The following SPON1 variants were observed in gnomAD, a reference collection of about 807,000 sequenced individuals.
The protein encoded by SPON1 is spondin-1.
A neutral mutation model predicts 111.7 loss-of-function variants in SPON1; 52 were observed. That is an observed-to-expected ratio of 0.47 (90% CI 0.37 to 0.59). The LOEUF is 0.59. Ranked by LOEUF, SPON1 falls within the 20% of genes least tolerant of loss-of-function variation. SPON1 has a pLI of 0.00. For synonymous variants in SPON1, 410 were observed against 395.8 expected, an observed-to-expected ratio of 1.04 and a Z score of -0.43; for missense variants, 957 against 1,068.5, an observed-to-expected ratio of 0.90 and a Z score of 1.46.
chr11:14,237,574 C>T (rs1029738311), intron 6 of SPON1, among the ~76,000 whole-genome samples: 9 of 152,204 alleles, frequency 5.9e-5, no homozygotes, highest in Admixed American at 4.6e-4. Flanking sequence ...CAGTGGACAG[C>T]GTGATAGCTA....
chr11:13,985,964 T>C (rs754918228), intron 2 of SPON1, among the ~76,000 whole-genome samples: 21 of 152,216 alleles, frequency 1.4e-4, no homozygotes, highest in Non-Finnish European at 2.6e-4. Flanking sequence ...TCCTGTGATA[T>C]GTGGCCCCCA....
chr11:14,085,367 C>G (rs1291409879), intron 5 of SPON1, among the ~76,000 whole-genome samples: 1 of 152,142 alleles, frequency 6.6e-6, no homozygotes, highest in Non-Finnish European at 1.5e-5. Flanking sequence ...ATGCATATGG[C>G]TAGGCAGTTT....
chr11:14,171,255 C>G (rs1848096166), intron 6 of SPON1, among the ~76,000 whole-genome samples: 1 of 152,186 alleles, frequency 6.6e-6, no homozygotes, highest in Admixed American at 6.5e-5. Context: ...TTATCCATTT[C>G]TTCTAGATTT....
chr11:14,131,175 T>C (rs1564911759), intron 5 of SPON1, among the ~76,000 whole-genome samples: 1 of 152,204 alleles, frequency 6.6e-6, no homozygotes, highest in Non-Finnish European at 1.5e-5. Flanking sequence ...TCCAATCGTC[T>C]CTTCTGTATC....
chr11:14,235,890 A>G lies in SPON1; in HGVS notation c.826-7442A>G, dbSNP rs1292365145. ...GAAACAAAGGAGAGAGTGCTCTGGT[A>G]TCTGGGAGAACAGCATTCCAGGCAC... On this transcript the variant is annotated intron_variant, in intron 6 of 15. Coordinates refer to ENST00000576479, the MANE Select transcript of SPON1 (RefSeq NM_006108.4). Among the ~76,000 whole-genome samples the G allele has an allele frequency of 3.9e-5, 6 of 152,286 alleles. No homozygotes were observed. In the South Asian group the frequency reaches 8.3e-4, roughly 21 times the overall value.
intron 3 of SPON1, 92 bp downstream of exon 3, chr11:14,041,746 G>A (rs1056419912): frequency 6.9e-7 from 1 of 1,453,510 alleles, no homozygotes; most frequent in Non-Finnish European, 9.3e-7. Flanking sequence ...CTGAGCATCA[G>A]AAAGTTGCAT....
intron 7 of SPON1, among the ~76,000 whole-genome samples, chr11:14,252,379 G>A (rs913474893): frequency 6.7e-6 from 1 of 148,622 alleles, no homozygotes; most frequent in Non-Finnish European, 1.5e-5. Flanking sequence ...TGCGCAGAGT[G>A]TGGGAATCCA....
chr11:14,161,191 CTATA>C (rs1223565914), intron 6 of SPON1, among the ~76,000 whole-genome samples: 1 of 27,974 alleles, frequency 3.6e-5, no homozygotes, highest in Non-Finnish European at 1.1e-4. Context: ...ATTTATATAT[CTATA>C]TATATTTATA....
chr11:14,258,531 A>C (rs1014510293), intron 11 of SPON1, among the ~76,000 whole-genome samples: 1 of 152,310 alleles, frequency 6.6e-6, no homozygotes, highest in Admixed American at 6.5e-5. Context: ...GATCTACGCT[A>C]TTCTGCCCTG....
chr11:14,224,283 C>T (rs937200327), intron 6 of SPON1, among the ~76,000 whole-genome samples: 29 of 151,920 alleles, frequency 1.9e-4, no homozygotes, highest in African/African-American at 6.8e-4. Flanking sequence ...CAGGGTGCAA[C>T]GTAGGGTACC....
chr11:14,251,833 T>C (rs1206525513), intron 7 of SPON1, among the ~76,000 whole-genome samples: 4 of 152,192 alleles, frequency 2.6e-5, no homozygotes, highest in African/African-American at 9.7e-5. Flanking sequence ...AATCCTTGTG[T>C]GAACCAGGTC....
intron 6 of SPON1, among the ~76,000 whole-genome samples, chr11:14,168,141 A>C (rs970467331): frequency 6.6e-6 from 1 of 152,168 alleles, no homozygotes; most frequent in Non-Finnish European, 1.5e-5. Flanking sequence ...ATGGCTCTCC[A>C]TATGTTCCCA....
chr11:13,972,886 G>T lies in SPON1; in HGVS notation c.238+9744G>T, dbSNP rs979649199. On this transcript the variant is annotated intron_variant, in intron 1 of 15. Coordinates refer to ENST00000576479, the MANE Select transcript of SPON1 (RefSeq NM_006108.4). ...ATTCCCATATTTGCAAAGCCCAGGG[G>T]TGGCTCTTGCTTCAGGCATAAATGG... is the stretch of plus-strand genomic sequence containing the variant. Among the ~76,000 whole-genome samples the T allele has an allele frequency of 2.0e-5, 3 of 152,292 alleles. No homozygotes were observed. The South Asian group carries it at 6.2e-4, about 32-fold the overall frequency.
At chr11:14,091,603 G>T (rs1306533360) in intron 5 of SPON1, among the ~76,000 whole-genome samples, 1 of 152,178 alleles carries the variant, frequency 6.6e-6, no homozygotes, top group East Asian at 1.9e-4. Flanking sequence ...GGGCCAGCAG[G>T]GCTGGCCGCC....
intron 6 of SPON1, among the ~76,000 whole-genome samples, chr11:14,207,995 C>T (rs1200084780): frequency 1.3e-5 from 2 of 152,200 alleles, no homozygotes; most frequent in Non-Finnish European, 2.9e-5. Flanking sequence ...AAGTGTGGTA[C>T]ATATGTACCA....
chr11:13,989,004 A>G (rs1318003847), intron 2 of SPON1, among the ~76,000 whole-genome samples: 2 of 151,922 alleles, frequency 1.3e-5, no homozygotes, highest in African/African-American at 4.8e-5. Flanking sequence ...TTGGCCTGAA[A>G]TTTTCTTTTT....
intron 6 of SPON1, among the ~76,000 whole-genome samples, chr11:14,141,738 G>A (rs1180386021): frequency 6.6e-6 from 1 of 152,150 alleles, no homozygotes; most frequent in Non-Finnish European, 1.5e-5. Context: ...CATTGGAGAT[G>A]ACATATGTCT....
chr11:14,141,900 C>A (rs1242364473), intron 6 of SPON1, among the ~76,000 whole-genome samples: 1 of 152,150 alleles, frequency 6.6e-6, no homozygotes, highest in Non-Finnish European at 1.5e-5. Flanking sequence ...CACACACACA[C>A]CCCACCAGCT....
chr11:14,067,031 G>A (rs1377735094), intron 3 of SPON1, among the ~76,000 whole-genome samples: 6 of 152,100 alleles, frequency 3.9e-5, no homozygotes, highest in African/African-American at 1.4e-4. Context: ...GTAAAAAGCA[G>A]CCAAGCATAG....
Sources: allele counts gnomAD v4.1 joint callset (sites outside exome capture counted in the v4.1 genomes callset), GRCh38; gene constraint gnomAD v4.1.1; transcripts MANE v1.5; gene names NCBI Gene and HGNC (gene_info 2026-07-23, HGNC 2026-07-21).